The following ARMC8 variants were observed in gnomAD, a reference collection of about 807,000 sequenced individuals.
ARMC8 encodes armadillo repeat-containing protein 8.
Under a neutral mutation model 99.3 loss-of-function variants are expected in ARMC8, and 20 were observed. That is an observed-to-expected ratio of 0.20 (90% CI 0.14 to 0.29). The LOEUF is 0.29. Among genes scored for constraint, ARMC8 ranks in the 10% least tolerant of loss-of-function variants. The pLI is 1.00. For missense variants in ARMC8, 569 were observed against 809.5 expected, an observed-to-expected ratio of 0.70 and a Z score of 3.60; for synonymous variants, 263 against 278.3, an observed-to-expected ratio of 0.95 and a Z score of 0.55.
rs2051663621 is a variant in ARMC8, at chr3:138,298,321, AG to A, written c.*2430del. 1 of 152,212 alleles carries A rather than the reference AG, an allele frequency of 6.6e-6. No homozygotes were observed. Among genetic ancestry groups the A allele is most frequent in the African/African-American group, 2.4e-5 (1 of 41,448 alleles). 9.4% of individuals were successfully genotyped at this position (152,212 alleles called of 1,614,324 possible). A position where few individuals can be genotyped will look rare whatever the true frequency, so the allele number is the denominator to read the frequency against. ...TCAGAACAATACATGTTCTTCTGGT[AG>A]TGTTTGGATAATATGATTTTAACAC... On this transcript the variant is annotated 3_prime_UTR_variant, in exon 22 of 22. Coordinates refer to ENST00000469044, the MANE Select transcript of ARMC8 (RefSeq NM_001363941.2).
intron 2 of ARMC8, among the ~76,000 whole-genome samples, chr3:138,212,802 G>A (rs2044778415): frequency 6.6e-6 from 1 of 152,080 alleles, no homozygotes; most frequent in Non-Finnish European, 1.5e-5. Flanking sequence ...AACAACCAAA[G>A]GTAGCCTATT....
At chr3:138,200,073 C>CT (rs2043964996) in intron 1 of ARMC8, among the ~76,000 whole-genome samples, 1 of 152,148 alleles carries the variant, frequency 6.6e-6, no homozygotes, top group Non-Finnish European at 1.5e-5. Flanking sequence ...TTTTGTGGCA[C>CT]TTTTTTGGCT....
In ARMC8 at chr3:138,235,090, C is replaced by T; in HGVS notation, c.585C>T (p.His195=). 1 of 1,613,590 alleles carries T rather than the reference C, an allele frequency of 6.2e-7. No homozygotes were observed. The highest frequency in any genetic ancestry group is 8.5e-7 in the Non-Finnish European group (1 of 1,179,682). ...FNHGAVQNIA[H]LLTSLSYKVR... ...ACGGTGCAGTTCAGAATATTGCTCA[C>T]CTACTAACCTCACTGTCCTACAAAG... Residue 195 remains histidine (H), a synonymous_variant, in exon 7 of 22, where the codon CAC becomes CAT. Transcript: ENST00000469044.
At chr3:138,282,623 G>A (rs1291522989) in intron 18 of ARMC8, among the ~76,000 whole-genome samples, 1 of 139,658 alleles carries the variant, frequency 7.2e-6, no homozygotes, top group Admixed American at 7.4e-5. Context: ...GTGACAGAGT[G>A]AGACTCCATC....
chr3:138,250,846 GCTGT>G (rs2047089172), intron 12 of ARMC8, among the ~76,000 whole-genome samples: 1 of 152,030 alleles, frequency 6.6e-6, no homozygotes, highest in Non-Finnish European at 1.5e-5. Flanking sequence ...ATATCTTTCT[GCTGT>G]CTCTAAAGAT....
chr3:138,225,194 C>T (rs2045622644), intron 5 of ARMC8, among the ~76,000 whole-genome samples: 1 of 151,248 alleles, frequency 6.6e-6, no homozygotes, highest in Admixed American at 6.6e-5. Flanking sequence ...CAACCTCCGC[C>T]TCCTGAGTTC....
chr3:138,286,573 A>G (rs2108368099), intron 19 of ARMC8, among the ~76,000 whole-genome samples: 1 of 152,294 alleles, frequency 6.6e-6, no homozygotes, highest in East Asian at 1.9e-4. Context: ...AGCAGATCAC[A>G]ACCTTCATTG....
At chr3:138,223,797 T>C (rs2045533553) in intron 5 of ARMC8, 64 bp downstream of exon 5, 1 of 1,381,498 alleles carries the variant, frequency 7.2e-7, no homozygotes, top group African/African-American at 1.4e-5. Flanking sequence ...CTAATTTGCT[T>C]AGCATCTTCA....
chr3:138,196,086 A>G (rs2043718750), intron 1 of ARMC8, among the ~76,000 whole-genome samples: 1 of 152,214 alleles, frequency 6.6e-6, no homozygotes, highest in Admixed American at 6.5e-5. Flanking sequence ...TATCGAACAC[A>G]TGCTTCTTTT....
At chr3:138,235,743 A>G (rs1308320514) in intron 7 of ARMC8, among the ~76,000 whole-genome samples, 3 of 151,114 alleles carry the variant, frequency 2.0e-5, no homozygotes, top group Admixed American at 6.6e-5. Context: ...AGAACAGGGA[A>G]GCAGTCATTT....
intron 21 of ARMC8, among the ~76,000 whole-genome samples, chr3:138,294,899 GTTCT>G (rs1265069376): frequency 1.3e-5 from 2 of 148,754 alleles, no homozygotes; most frequent in South Asian, 2.1e-4. Flanking sequence ...TTTGTTTTTT[GTTCT>G]TTTTTTTTTT....
intron 2 of ARMC8, among the ~76,000 whole-genome samples, chr3:138,216,955 A>G (rs1321392593): frequency 1.3e-5 from 2 of 152,214 alleles, no homozygotes; most frequent in Non-Finnish European, 2.9e-5. Context: ...TAAGAATATA[A>G]TACTGTATTT....
At chr3:138,187,877 C>T in intron 1 of ARMC8, 2 of 496,524 alleles carry the variant, frequency 4.0e-6, no homozygotes, top group Non-Finnish European at 7.2e-6. Flanking sequence ...AGACAACTGG[C>T]TGGGCGGCGC....
chr3:138,273,119 A>G lies in ARMC8; in HGVS notation c.1629+3A>G. The G allele has an allele frequency of 6.2e-7, 1 of 1,601,186 alleles. No individual in the cohort carries two copies. The highest frequency in any genetic ancestry group is 8.5e-7 in the Non-Finnish European group (1 of 1,175,618). ...GAAATCTCCTCTCCACTCGTCCTGT[A>G]AGTAAAATCACCCAGGCTTCCAAAT... is the stretch of plus-strand genomic sequence containing the variant. On this transcript the variant is annotated splice_donor_region_variant and intron_variant, in intron 17 of 21. Coordinates refer to ENST00000469044, the MANE Select transcript of ARMC8 (RefSeq NM_001363941.2).
intron 2 of ARMC8, among the ~76,000 whole-genome samples, chr3:138,214,612 CAA>C (rs142018866): frequency 3.9e-5 from 6 of 151,906 alleles, no homozygotes; most frequent in African/African-American, 1.5e-4. Context: ...ATAAGTATTC[CAA>C]AAAAATCATT....
chr3:138,241,791 T>C lies in ARMC8; in HGVS notation c.846T>C (p.Pro282=). 1 of 1,613,886 alleles carries C rather than the reference T, an allele frequency of 6.2e-7. No homozygotes were observed. Among genetic ancestry groups the C allele is most frequent in the South Asian group, 1.1e-5 (1 of 91,072 alleles). The part of the protein sequence containing the change: ...DDNCIVLKTL[P]CLVRMCSKER... ...ATCTCACTACCTTTCAGACATTACCTTGTTTGGTTCGAATGTGCAGTAAGG... is the reference window on the plus strand; with the variant it reads ...ATCTCACTACCTTTCAGACATTACCCTGTTTGGTTCGAATGTGCAGTAAGG... Residue 282 remains proline (P), a synonymous_variant, in exon 11 of 22, where the codon CCT becomes CCC. Transcript: ENST00000469044.
At chr3:138,230,722 A>G (rs1166119613) in intron 6 of ARMC8, among the ~76,000 whole-genome samples, 1 of 152,232 alleles carries the variant, frequency 6.6e-6, no homozygotes. Flanking sequence ...AGTCATAAGC[A>G]CAGTAATCCC....
chr3:138,206,624 C>A (rs1277944425), intron 1 of ARMC8, among the ~76,000 whole-genome samples: 1 of 152,188 alleles, frequency 6.6e-6, no homozygotes, highest in Non-Finnish European at 1.5e-5. Context: ...CTTATCAACC[C>A]ATTTAATATC....
chr3:138,254,104 T>A (rs2108224573), intron 12 of ARMC8, among the ~76,000 whole-genome samples: 1 of 152,390 alleles, frequency 6.6e-6, no homozygotes, highest in African/African-American at 2.4e-5. Context: ...GGACACTGTC[T>A]AAATATGATT....
Sources: allele counts gnomAD v4.1 joint callset (sites outside exome capture counted in the v4.1 genomes callset), GRCh38; gene constraint gnomAD v4.1.1; transcripts MANE v1.5; gene names NCBI Gene and HGNC (gene_info 2026-07-23, HGNC 2026-07-21).